The following UMAD1 variants were observed in gnomAD, a reference collection of about 807,000 sequenced individuals.
The protein encoded by UMAD1 is UBAP1-MVB12-associated (UMA)-domain containing protein 1.
UMAD1 carries 8 observed loss-of-function variants against 6.1 expected under a neutral mutation model. The observed-to-expected ratio is 1.30, with a 90% CI of 0.76 to 2.35. The LOEUF is 2.35. UMAD1 is among the 30% of genes most tolerant of loss of function. The probability of loss-of-function intolerance (pLI) is 0.00; values close to 1 mark genes in which losing one functional copy is unlikely to be tolerated. For missense variants in UMAD1, 130 were observed against 78.4 expected (o/e 1.66, Z -2.49); for synonymous variants, 56 against 31.4 (o/e 1.78, Z -2.61).
At chr7:7,725,818 A>C (rs1781128670) in intron 2 of UMAD1, among the ~76,000 whole-genome samples, 1 of 152,162 alleles carries the variant, frequency 6.6e-6, no homozygotes, top group African/African-American at 2.4e-5. Context: ...CCTTTTGGGG[A>C]GTTCCCTATG....
At chr7:7,703,036 C>G (rs1179474278) in intron 2 of UMAD1, among the ~76,000 whole-genome samples, 1 of 152,182 alleles carries the variant, frequency 6.6e-6, no homozygotes, top group Non-Finnish European at 1.5e-5. Context: ...ATGCCTTCAG[C>G]TAGTCTTCTA....
chr7:7,861,129 G>A (rs1465092116), intron 3 of UMAD1, among the ~76,000 whole-genome samples: 3 of 152,198 alleles, frequency 2.0e-5, no homozygotes, highest in Admixed American at 1.3e-4. Context: ...TGTTTAATGG[G>A]TATAGAGTTT....
Position 7,830,665 on chromosome 7 carries a change from A to G in UMAD1, c.156+28922A>G, listed in dbSNP as rs1783446539. ...TCCTTGTCCCAGACTTTCTATTTCA[A>G]TGGTTTTCTTTATTCTAATGTCAGA... On this transcript the variant is annotated intron_variant, in intron 3 of 3. Coordinates refer to ENST00000682710, the MANE Select transcript of UMAD1 (RefSeq NM_001302348.2). The surrounding 1 kb of genome is among the most constrained non-coding windows in gnomAD (Gnocchi z 5.3). Among the ~76,000 whole-genome samples the G allele has an allele frequency of 1.3e-5, 2 of 152,004 alleles. No individual in the cohort carries two copies. The highest frequency in any genetic ancestry group is 1.5e-5 in the Non-Finnish European group (1 of 67,998).
intron 2 of UMAD1, among the ~76,000 whole-genome samples, chr7:7,761,330 A>G (rs1781884822): frequency 6.8e-6 from 1 of 147,386 alleles, no homozygotes; most frequent in Non-Finnish European, 1.5e-5. Flanking sequence ...GTGTCACTGT[A>G]CTCCATCCTG....
At chr7:7,812,682 G>C in intron 3 of UMAD1, among the ~76,000 whole-genome samples, 1 of 152,040 alleles carries the variant, frequency 6.6e-6, no homozygotes, top group East Asian at 1.9e-4. Context: ...TTTATACTTT[G>C]GTAGTCACCT....
At chr7:7,795,359 G>A (rs1223289094) in intron 2 of UMAD1, among the ~76,000 whole-genome samples, 1 of 152,220 alleles carries the variant, frequency 6.6e-6, no homozygotes, top group Non-Finnish European at 1.5e-5. Flanking sequence ...GGATGTTTCT[G>A]TGGAGGATCA....
At chr7:7,872,171 A>T (rs2115342069) in intron 3 of UMAD1, among the ~76,000 whole-genome samples, 1 of 152,352 alleles carries the variant, frequency 6.6e-6, no homozygotes, top group South Asian at 2.1e-4. Flanking sequence ...TACCTCGAAG[A>T]TATTTCGGGT....
At chr7:7,644,487 T>C (rs942745563) in intron 1 of UMAD1, among the ~76,000 whole-genome samples, 1 of 152,192 alleles carries the variant, frequency 6.6e-6, no homozygotes, top group Non-Finnish European at 1.5e-5. Context: ...AAAGGTATTC[T>C]ATTTTTCCTA....
intron 2 of UMAD1, among the ~76,000 whole-genome samples, chr7:7,678,581 T>TATATATTTATATACTTAATTTATAGATAA (rs1450814728): frequency 3.7e-5 from 5 of 136,596 alleles, no homozygotes; most frequent in African/African-American, 1.1e-4. Flanking sequence ...TATAGATAAA[T>TATATATTTATATACTTAATTTATAGATAA]ATATATTTAT....
rs571995469 is a variant in UMAD1, at chr7:7,856,138, C to G, written c.157-21143C>G. ...TCTGAGTCCTCCAAACTGTTCCAAC[C>G]TCTGCCCATTACCCAATTCCAAAGT... is the stretch of plus-strand genomic sequence containing the variant. On this transcript the variant is annotated intron_variant, in intron 3 of 3. Transcript: ENST00000682710. 6.8e-4 allele frequency among the ~76,000 whole-genome samples: 103 copies of G among 152,348 alleles called. 1 individual carries two copies. In the Middle Eastern group the frequency reaches 0.024, roughly 35 times the overall value.
At chr7:7,864,893 A>C (rs1784197934) in intron 3 of UMAD1, among the ~76,000 whole-genome samples, 1 of 152,142 alleles carries the variant, frequency 6.6e-6, no homozygotes, top group Admixed American at 6.5e-5. Context: ...ACCAGTGGCC[A>C]ATGATTTTTA....
intron 1 of UMAD1, among the ~76,000 whole-genome samples, chr7:7,664,382 T>A (rs976692187): frequency 6.6e-6 from 1 of 152,200 alleles, no homozygotes; most frequent in African/African-American, 2.4e-5. Context: ...TAATCTCTCT[T>A]AAATACTTTG....
intron 3 of UMAD1, among the ~76,000 whole-genome samples, chr7:7,840,165 A>T (rs559366827): frequency 6.6e-6 from 1 of 152,200 alleles, no homozygotes; most frequent in South Asian, 2.1e-4. Context: ...TGTGAGGCAG[A>T]TTGTTAGGTA....
intron 2 of UMAD1, among the ~76,000 whole-genome samples, chr7:7,711,460 A>G (rs1452235270): frequency 1.3e-5 from 2 of 152,196 alleles, no homozygotes; most frequent in Non-Finnish European, 2.9e-5. Flanking sequence ...ATTATACTCT[A>G]TCCTTTTTAA....
chr7:7,730,697 A>AAAAAC (rs554041464), intron 2 of UMAD1, among the ~76,000 whole-genome samples: 12 of 152,338 alleles, frequency 7.9e-5, no homozygotes, highest in African/African-American at 2.6e-4. Context: ...CATTTCTCTT[A>AAAAAC]AAAACAAAAC....
intron 2 of UMAD1, among the ~76,000 whole-genome samples, chr7:7,773,458 C>T (rs534102157): frequency 6.6e-6 from 1 of 152,156 alleles, no homozygotes; most frequent in African/African-American, 2.4e-5. Flanking sequence ...CATACACTTA[C>T]TTTATGCAGC....
chr7:7,750,439 G>A (rs1370322413), intron 2 of UMAD1, among the ~76,000 whole-genome samples: 2 of 152,050 alleles, frequency 1.3e-5, no homozygotes, highest in African/African-American at 4.8e-5. Context: ...ATTGTCTTTG[G>A]CAGTTTGAAA....
intron 3 of UMAD1, among the ~76,000 whole-genome samples, chr7:7,864,533 C>G (rs1185439929): frequency 6.7e-6 from 1 of 149,186 alleles, no homozygotes; most frequent in African/African-American, 2.5e-5. Context: ...ACATGCACAG[C>G]TTGGGGATGT....
At chr7:7,831,574 G>A (rs1271416185) in intron 3 of UMAD1, among the ~76,000 whole-genome samples, 4 of 151,966 alleles carry the variant, frequency 2.6e-5, no homozygotes, top group African/African-American at 9.7e-5. Flanking sequence ...TGTTGATTAC[G>A]TGAACCAAGC....
Sources: gnomAD v4.1 joint callset for allele counts (sites outside exome capture counted in the v4.1 genomes callset) on GRCh38, gnomAD v4.1.1 for gene constraint, Gnocchi (gnomAD v3.1) non-coding constraint, MANE v1.5 for transcripts, NCBI Gene and HGNC (gene_info 2026-07-23, HGNC 2026-07-21) for gene names.